Variants in CHRM3 observed in about 807,000 individuals in gnomAD.
CHRM3 encodes the protein cholinergic receptor muscarinic 3.
A neutral mutation model predicts 41.8 loss-of-function variants in CHRM3; 11 were observed. The observed-to-expected ratio is 0.26, with a 90% CI of 0.17 to 0.44. The LOEUF is 0.44. CHRM3 is among the 20% of genes least tolerant of loss of function. The pLI, the probability that CHRM3 is intolerant of heterozygous loss-of-function variation, is 1.00. For synonymous variants in CHRM3, 297 were observed against 301.4 expected (o/e 0.99, Z 0.15); for missense variants, 571 against 745.4 (o/e 0.77, Z 2.72).
chr1:239,667,238 A>G (rs906076670), intron 4 of CHRM3, among the ~76,000 whole-genome samples: 2 of 152,198 alleles, frequency 1.3e-5, no homozygotes, highest in South Asian at 4.1e-4. Context: ...CCTAAAATCC[A>G]TACACACATA....
chr1:239,687,611 G>A (rs577257598), intron 5 of CHRM3, among the ~76,000 whole-genome samples: 8 of 152,048 alleles, frequency 5.3e-5, no homozygotes, highest in African/African-American at 1.9e-4. Context: ...TTTTAACCAG[G>A]GACAGTTAAG....
intron 5 of CHRM3, among the ~76,000 whole-genome samples, chr1:239,733,218 C>T (rs890893792): frequency 1.3e-5 from 2 of 151,940 alleles, no homozygotes; most frequent in Non-Finnish European, 2.9e-5. Flanking sequence ...CCCTCTAATC[C>T]CAAATGGATC....
chr1:239,565,767 A>G (rs1207710769), intron 3 of CHRM3, among the ~76,000 whole-genome samples: 2 of 152,090 alleles, frequency 1.3e-5, no homozygotes, highest in Non-Finnish European at 2.9e-5. Flanking sequence ...AACATGGTGA[A>G]GTAATTAAGA....
chr1:239,667,724 G>C (rs939692938), intron 4 of CHRM3, among the ~76,000 whole-genome samples: 2 of 152,146 alleles, frequency 1.3e-5, no homozygotes, highest in South Asian at 4.2e-4. Context: ...ACAGGCTTTC[G>C]GATGTTTTTC....
chr1:239,521,444 A>C (rs1022543977), intron 2 of CHRM3, among the ~76,000 whole-genome samples: 1 of 152,218 alleles, frequency 6.6e-6, no homozygotes, highest in Non-Finnish European at 1.5e-5. Context: ...TATTCACTGA[A>C]AATCTCTGCT....
At position 239,666,225 on chromosome 1, in the gene CHRM3, C is replaced by T. The variant is rs571856551; in HGVS notation, c.-249-11961C>T. Among the ~76,000 whole-genome samples the T allele has an allele frequency of 1.7e-4, 26 of 151,276 alleles. No homozygotes were observed. The South Asian group carries it at 1.9e-3, about 11-fold the overall frequency. The stretch of plus-strand genomic sequence containing the variant: ...TTTTTTGGCGGGGGGGATGGAGTCT[C>T]GCTCTGTCACCCAGGCTGGAGTGCA... On this transcript the variant is annotated intron_variant, in intron 4 of 6. Coordinates refer to ENST00000676153, the MANE Select transcript of CHRM3 (RefSeq NM_001375978.1).
chr1:239,707,180 A>T (rs1441738120), intron 5 of CHRM3: 2 of 152,206 alleles, frequency 1.3e-5, no homozygotes, highest in East Asian at 3.9e-4. Flanking sequence ...TAGATGAAAT[A>T]AGTTATATAA....
chr1:239,903,363 T>A (rs895914462), intron 6 of CHRM3, among the ~76,000 whole-genome samples: 1 of 152,246 alleles, frequency 6.6e-6, no homozygotes, highest in Non-Finnish European at 1.5e-5. Flanking sequence ...TAAATAACTT[T>A]GTGTTTTTAA....
intron 4 of CHRM3, among the ~76,000 whole-genome samples, chr1:239,656,322 A>T (rs996746296): frequency 2.6e-5 from 3 of 116,942 alleles, no homozygotes; most frequent in East Asian, 3.5e-4. Context: ...TTAATAAAAT[A>T]TTTTTTTTTA....
chr1:239,439,770 G>A (rs974087342), intron 1 of CHRM3, among the ~76,000 whole-genome samples: 2 of 152,156 alleles, frequency 1.3e-5, no homozygotes, highest in African/African-American at 4.8e-5. Flanking sequence ...GACTGGCCAT[G>A]TCTGGAACAC....
chr1:239,517,128 C>T (rs10925900), intron 2 of CHRM3, among the ~76,000 whole-genome samples: 33,242 of 152,092 alleles, frequency 0.22, 4,453 homozygotes, highest in Middle Eastern at 0.41. Context: ...TCCTCCTGCC[C>T]GGTCCATAGA....
chr1:239,749,144 C>T (rs12354162), intron 5 of CHRM3, among the ~76,000 whole-genome samples: 6,127 of 152,256 alleles, frequency 0.04, 203 homozygotes, highest in African/African-American at 0.078. Flanking sequence ...AGGCACTATT[C>T]GTCAAAGAAA....
intron 5 of CHRM3, among the ~76,000 whole-genome samples, chr1:239,752,692 T>A (rs1665930136): frequency 1.3e-5 from 2 of 152,226 alleles, no homozygotes; most frequent in Admixed American, 1.3e-4. Context: ...GACAAACGAC[T>A]GTCATATTTA....
intron 2 of CHRM3, among the ~76,000 whole-genome samples, chr1:239,522,894 C>A (rs1334546741): frequency 6.6e-6 from 1 of 152,032 alleles, no homozygotes; most frequent in Admixed American, 6.5e-5. Flanking sequence ...TCAGAGCTGG[C>A]AAAATCCTTT....
intron 3 of CHRM3, among the ~76,000 whole-genome samples, chr1:239,565,123 A>G (rs543750709): frequency 9.9e-5 from 15 of 152,244 alleles, no homozygotes; most frequent in Admixed American, 6.5e-4. Context: ...ATGAGGATAC[A>G]CGTGATGACC....
At chr1:239,447,400 G>A (rs1664229286) in intron 1 of CHRM3, among the ~76,000 whole-genome samples, 1 of 151,864 alleles carries the variant, frequency 6.6e-6, no homozygotes, top group East Asian at 1.9e-4. Context: ...AAGAATGTGG[G>A]GAGAGAGAGA....
At chr1:239,724,396 A>G (rs1663246387) in intron 5 of CHRM3, among the ~76,000 whole-genome samples, 1 of 151,926 alleles carries the variant, frequency 6.6e-6, no homozygotes, top group African/African-American at 2.4e-5. Flanking sequence ...TTTTATCACC[A>G]TATATGGTAG....
At chr1:239,769,069 C>T (rs956671784) in intron 5 of CHRM3, among the ~76,000 whole-genome samples, 3 of 151,938 alleles carry the variant, frequency 2.0e-5, no homozygotes, top group Admixed American at 6.6e-5. Context: ...CTGACCTAAG[C>T]GACTTTTTTT....
chr1:239,491,114 T>A (rs567344970), intron 1 of CHRM3, among the ~76,000 whole-genome samples: 5 of 152,316 alleles, frequency 3.3e-5, no homozygotes, highest in African/African-American at 1.2e-4. Flanking sequence ...TCCATACATT[T>A]ATACAATGTG....
Sources: allele counts gnomAD v4.1 joint callset (sites outside exome capture counted in the v4.1 genomes callset), GRCh38; gene constraint gnomAD v4.1.1; transcripts MANE v1.5; gene names NCBI Gene and HGNC (gene_info 2026-07-23, HGNC 2026-07-21).